PTPRN2: variants seen among roughly 807,000 people sequenced by gnomAD.
PTPRN2 encodes receptor-type tyrosine-protein phosphatase N2.
PTPRN2 carries 74 observed loss-of-function variants against 118.8 expected under a neutral mutation model. The ratio of observed to expected loss-of-function variants is 0.62; its 90% CI spans 0.52 to 0.76. The LOEUF (loss-of-function observed/expected upper bound fraction) is 0.76. Ranked by LOEUF, PTPRN2 falls within the 30% of genes least tolerant of loss-of-function variation. PTPRN2 has a pLI of 0.00. For synonymous variants in PTPRN2, 641 were observed against 608.0 expected (o/e 1.05, Z -0.80); for missense variants, 1,481 against 1,394.4 (o/e 1.06, Z -0.99).
At chr7:158,527,637 T>A (rs1052990263) in intron 1 of PTPRN2, among the ~76,000 whole-genome samples, 1 of 152,146 alleles carries the variant, frequency 6.6e-6, no homozygotes, top group African/African-American at 2.4e-5. Context: ...TGCTCAGCCA[T>A]GTGGGGGTTG....
At chr7:157,576,175 G>A (rs1585052489) in intron 19 of PTPRN2, among the ~76,000 whole-genome samples, 2 of 152,286 alleles carry the variant, frequency 1.3e-5, no homozygotes, top group East Asian at 1.9e-4. Context: ...AGACAGCCAC[G>A]GGCTAAGTGT....
intron 12 of PTPRN2, among the ~76,000 whole-genome samples, chr7:157,807,092 C>A (rs1403765266): frequency 6.6e-6 from 1 of 152,218 alleles, no homozygotes; most frequent in East Asian, 1.9e-4. Flanking sequence ...ACATGATCTT[C>A]TGGGAGGAGA....
intron 2 of PTPRN2, among the ~76,000 whole-genome samples, chr7:158,407,655 CATCCTGCGTCCTGCGTCCTGG>C (rs1813695890): frequency 4.0e-5 from 1 of 24,900 alleles, no homozygotes; most frequent in African/African-American, 1.1e-4. Flanking sequence ...CTGGGTCCTG[CATCCTGCGTCCTGCGTCCTGG>C]GTCCTGGGTC....
In PTPRN2 at chr7:158,566,397, C is replaced by T. The variant is rs572242916; in HGVS notation, c.112+21161G>A. The stretch of plus-strand genomic sequence containing the variant: ...GCCAAGCTTTAGCTCCTGAGCAATT[C>T]CAGAAGAGACTCAGCCATCGAGCTG... On this transcript the variant is annotated intron_variant, in intron 1 of 22. Transcript: ENST00000389418. Among the ~76,000 whole-genome samples the T allele has an allele frequency of 1.1e-3, 161 of 152,198 alleles. 1 individual carries two copies. The highest frequency in any genetic ancestry group is 6.8e-3 in the Middle Eastern group (2 of 294).
intron 2 of PTPRN2, among the ~76,000 whole-genome samples, chr7:158,448,970 G>A (rs531024566): frequency 5.9e-5 from 9 of 152,220 alleles, no homozygotes; most frequent in Non-Finnish European, 1.0e-4. Flanking sequence ...TGACACCCCC[G>A]CCTCCTCTCA....
intron 11 of PTPRN2, among the ~76,000 whole-genome samples, chr7:158,013,546 T>C (rs1329775350): frequency 6.6e-6 from 1 of 151,376 alleles, no homozygotes; most frequent in Non-Finnish European, 1.5e-5. Flanking sequence ...TGACCTACCA[T>C]CTATCCAAAC....
chr7:158,446,998 C>T (rs1049125936), intron 2 of PTPRN2, among the ~76,000 whole-genome samples: 3 of 152,220 alleles, frequency 2.0e-5, no homozygotes, highest in Non-Finnish European at 4.4e-5. Flanking sequence ...GAGATGAAGG[C>T]GGTGACATAC....
rs1801840117 is a variant in PTPRN2 at position 157,603,870 on chromosome 7, TCGGCC to T, written c.2418+127_2418+131del. ...AGTGGCGGGAGCCCAATGGGCAGAG[TCGGCC>T]CTGTCCACCGCAGAGACGCTGAGCT... On this transcript the variant is annotated intron_variant, in intron 16 of 22. Transcript: ENST00000389418. This position sits in a 1 kb window ranked among gnomAD's most constrained non-coding sequence, Gnocchi z 5.4. 1.3e-6 allele frequency: 1 copy of T among 792,416 alleles called. No individual in the cohort carries two copies. Among genetic ancestry groups the T allele is most frequent in the Non-Finnish European group, 2.0e-6 (1 of 511,108 alleles). The allele number at this position is 792,416 out of a possible 1,614,324, so 49.1% of individuals were successfully genotyped here. A position where few individuals can be genotyped will look rare whatever the true frequency, so the allele number is the denominator to read the frequency against.
chr7:157,967,881 G>A (rs1480764405), intron 11 of PTPRN2, among the ~76,000 whole-genome samples: 2 of 152,224 alleles, frequency 1.3e-5, no homozygotes, highest in Non-Finnish European at 2.9e-5. Flanking sequence ...ACAAGTCCAT[G>A]GAGGTCCAAT....
At chr7:158,340,479 A>T (rs1179252367) in intron 2 of PTPRN2, among the ~76,000 whole-genome samples, 1 of 108,634 alleles carries the variant, frequency 9.2e-6, no homozygotes, top group Admixed American at 9.5e-5. Context: ...CCACACTCTC[A>T]CCATAATAGG....
chr7:158,087,735 CT>C lies in PTPRN2; in HGVS notation c.1644-6359del, dbSNP rs1420368790. Among the ~76,000 whole-genome samples the C allele has an allele frequency of 4.8e-4, 59 of 122,738 alleles. 2 individuals carry two copies. The highest frequency in any genetic ancestry group is 1.7e-3 in the African/African-American group (59 of 35,274). 80.5% of individuals were successfully genotyped at this position (122,738 alleles called of 152,430 possible). A position where few individuals can be genotyped will look rare whatever the true frequency, so the allele number is the denominator to read the frequency against. ...GGAGTCTTCACACAAACCTTCTTCC[CT>C]TGATGAAAGAGGGAGTCTTCACACA... On this transcript the variant is annotated intron_variant, in intron 10 of 22. Transcript: ENST00000389418.
chr7:157,970,273 C>A (rs191618722), intron 11 of PTPRN2, among the ~76,000 whole-genome samples: 2 of 152,310 alleles, frequency 1.3e-5, no homozygotes, highest in East Asian at 3.9e-4. Context: ...AACACCAGCA[C>A]ACAAGTACCC....
intron 12 of PTPRN2, among the ~76,000 whole-genome samples, chr7:157,686,910 A>T (rs1797225098): frequency 6.6e-6 from 1 of 152,186 alleles, no homozygotes; most frequent in Admixed American, 6.5e-5. Flanking sequence ...ATCAGGAATG[A>T]TTAAGTTAAT....
chr7:157,548,437 G>A (rs891400837), intron 22 of PTPRN2, among the ~76,000 whole-genome samples: 1 of 152,198 alleles, frequency 6.6e-6, no homozygotes, highest in African/African-American at 2.4e-5. Flanking sequence ...TCCAGTTCTT[G>A]TTGAGCCAAA....
At chr7:157,758,926 C>T (rs937472202) in intron 12 of PTPRN2, among the ~76,000 whole-genome samples, 1 of 152,250 alleles carries the variant, frequency 6.6e-6, no homozygotes, top group South Asian at 2.1e-4. Context: ...TACGCCCCTC[C>T]AGCCACGTCA....
Position 157,560,352 on chromosome 7 carries a change from C to T in PTPRN2, c.2902+8550G>A, listed in dbSNP as rs1004796210. Among the ~76,000 whole-genome samples the T allele has an allele frequency of 4.6e-5, 7 of 152,140 alleles. No individual in the cohort carries two copies. The East Asian group carries it at 9.6e-4, about 21-fold the overall frequency. On this transcript the variant is annotated intron_variant, in intron 21 of 22. Transcript: ENST00000389418. This position sits in a 1 kb window ranked among gnomAD's most constrained non-coding sequence, Gnocchi z 6.7. ...AGGATGGTGGGCAGTGCTGCCCACA[C>T]GGATGCCCAGAGCGTGTTCCCCAAG...
intron 12 of PTPRN2, among the ~76,000 whole-genome samples, chr7:157,895,279 G>A (rs1179201177): frequency 6.7e-6 from 1 of 150,014 alleles, no homozygotes; most frequent in Non-Finnish European, 1.5e-5. Context: ...TAAGCCAGAG[G>A]ATCTGGACGA....
rs751831981 is a variant in PTPRN2, at chr7:157,801,948, G to A, written c.1788+96725C>T. On this transcript the variant is annotated intron_variant, in intron 12 of 22. Coordinates refer to ENST00000389418, the MANE Select transcript of PTPRN2 (RefSeq NM_002847.5). The surrounding 1 kb of genome is among the most constrained non-coding windows in gnomAD (Gnocchi z 4.2). ...GCTGAAGTCAGGGCTTGGGTGGGCC[G>A]CACGCTCTGGGGCGGCTCCTGACCT... Among the ~76,000 whole-genome samples, 1 of 152,166 alleles carries A rather than the reference G, an allele frequency of 6.6e-6. No homozygotes were observed. The highest frequency in any genetic ancestry group is 1.5e-5 in the Non-Finnish European group (1 of 68,038).
At chr7:157,749,682 G>T (rs2150984290) in intron 12 of PTPRN2, among the ~76,000 whole-genome samples, 1 of 142,210 alleles carries the variant, frequency 7.0e-6, no homozygotes, top group East Asian at 2.2e-4. Flanking sequence ...CTGAGCTGCG[G>T]GGTGTCAGGG....
Sources: gnomAD v4.1 joint callset for allele counts (sites outside exome capture counted in the v4.1 genomes callset) on GRCh38, gnomAD v4.1.1 for gene constraint, Gnocchi (gnomAD v3.1) non-coding constraint, MANE v1.5 for transcripts, NCBI Gene and HGNC (gene_info 2026-07-23, HGNC 2026-07-21) for gene names.